Variants in RNF216 observed in about 807,000 individuals in gnomAD.
The protein encoded by RNF216 is ring finger protein 216.
RNF216 carries 72 observed loss-of-function variants against 110.8 expected under a neutral mutation model. The ratio of observed to expected loss-of-function variants is 0.65; its 90% CI spans 0.54 to 0.79. The LOEUF is 0.79. Ranked by LOEUF, RNF216 falls within the 30% of genes least tolerant of loss-of-function variation. The probability of loss-of-function intolerance (pLI) is 0.00; values close to 1 mark genes in which losing one functional copy is unlikely to be tolerated. For synonymous variants in RNF216, 495 were observed against 407.5 expected (o/e 1.21, Z -2.59); for missense variants, 1,342 against 1,141.2 (o/e 1.18, Z -2.54).
chr7:5,772,227 C>G (rs1168968066), intron 1 of RNF216, among the ~76,000 whole-genome samples: 1 of 152,154 alleles, frequency 6.6e-6, no homozygotes, highest in East Asian at 1.9e-4. Context: ...GAGTGAAACT[C>G]CGTCCCAATA....
chr7:5,651,570 C>T (rs962406989), intron 14 of RNF216, among the ~76,000 whole-genome samples: 2 of 152,086 alleles, frequency 1.3e-5, no homozygotes, highest in Non-Finnish European at 2.9e-5. Flanking sequence ...GATAGATATG[C>T]ACCCTCAGCT....
intron 13 of RNF216, among the ~76,000 whole-genome samples, chr7:5,656,948 T>C (rs556277383): frequency 2.0e-5 from 3 of 152,310 alleles, no homozygotes; most frequent in South Asian, 2.1e-4. Flanking sequence ...TTTGGGTCTG[T>C]TGGCAAAGAA....
chr7:5,741,218 G>T lies in RNF216; in HGVS notation c.799C>A (p.His267Asn). 2.5e-6 allele frequency: 4 copies of T among 1,614,156 alleles called. No individual in the cohort carries two copies. The highest frequency in any genetic ancestry group is 3.4e-6 in the Non-Finnish European group (4 of 1,180,020). ...GGAAAAGCGGGCCCTGGGAATTCAT[G>T]CTGAAACAACAAGCGGCCCAGTTCT... ...EAELGRLLFQ[H>N]EFPGPAFPRP... is the part of the protein sequence containing the mutation. Residue 267 changes from histidine to asparagine, a missense_variant, in exon 4 of 17, where the codon CAT becomes AAT. Coordinates refer to ENST00000389902, the MANE Select transcript of RNF216 (RefSeq NM_207111.4).
Position 5,716,708 on chromosome 7 carries a change from C to T in RNF216, c.1695+8G>A, listed in dbSNP as rs1415826863. 1 of 1,577,600 alleles carries T rather than the reference C, an allele frequency of 6.3e-7. No homozygotes were observed. The highest frequency in any genetic ancestry group is 8.6e-7 in the Non-Finnish European group (1 of 1,158,740). On this transcript the variant is annotated splice_region_variant and intron_variant, in intron 10 of 16. Transcript: ENST00000389902. Reference sequence around the variant, plus strand: ...GCCCAGAATAAACAAGGTGAGATTTCAAACTACCTTTTGATACTGTTCTTC... The same window carrying T: ...GCCCAGAATAAACAAGGTGAGATTTTAAACTACCTTTTGATACTGTTCTTC...
At chr7:5,743,700 A>G (rs1464933008) in intron 3 of RNF216, among the ~76,000 whole-genome samples, 1 of 152,226 alleles carries the variant, frequency 6.6e-6, no homozygotes, top group African/African-American at 2.4e-5. Flanking sequence ...AAGACCTGGA[A>G]GGATACATGC....
intron 13 of RNF216, among the ~76,000 whole-genome samples, chr7:5,701,507 A>G (rs898521357): frequency 4.6e-5 from 7 of 152,190 alleles, no homozygotes; most frequent in African/African-American, 1.7e-4. Context: ...ACTGCACTTG[A>G]CACTTTACCC....
At chr7:5,716,887 CA>C in intron 9 of RNF216, 121 bp from the exon 10 acceptor site, 1 of 706,306 alleles carries the variant, frequency 1.4e-6, no homozygotes, top group Non-Finnish European at 2.3e-6. Flanking sequence ...CACAGTTTAG[CA>C]GTTCAAAAAG....
At chr7:5,753,791 T>C (rs780600619) in intron 2 of RNF216, among the ~76,000 whole-genome samples, 2 of 152,034 alleles carry the variant, frequency 1.3e-5, no homozygotes, top group Non-Finnish European at 2.9e-5. Flanking sequence ...GGTCAGGAGT[T>C]TGAGACCAGC....
At chr7:5,657,879 C>G (rs1788844747) in intron 13 of RNF216, among the ~76,000 whole-genome samples, 2 of 152,172 alleles carry the variant, frequency 1.3e-5, no homozygotes, top group African/African-American at 2.4e-5. Context: ...AGTGAACTTT[C>G]TTTCCTTTTA....
At chr7:5,773,117 G>A (rs17186478) in intron 1 of RNF216, among the ~76,000 whole-genome samples, 6 of 151,926 alleles carry the variant, frequency 3.9e-5, no homozygotes, top group African/African-American at 9.7e-5. Flanking sequence ...ATATATCAGC[G>A]TAAGTTTGGG....
intron 13 of RNF216, among the ~76,000 whole-genome samples, chr7:5,678,953 G>A (rs1344759922): frequency 2.0e-5 from 3 of 152,214 alleles, no homozygotes; most frequent in African/African-American, 7.2e-5. Flanking sequence ...TGATCACACA[G>A]GGACTAGAAA....
At chr7:5,668,476 G>A (rs1789677975) in intron 13 of RNF216, among the ~76,000 whole-genome samples, 1 of 151,974 alleles carries the variant, frequency 6.6e-6, no homozygotes, top group Non-Finnish European at 1.5e-5. Flanking sequence ...GCCCGCCTCG[G>A]CCTCCCAAAG....
At chr7:5,708,543 G>C (rs1293649928) in intron 13 of RNF216, among the ~76,000 whole-genome samples, 2 of 152,260 alleles carry the variant, frequency 1.3e-5, no homozygotes, top group East Asian at 3.9e-4. Flanking sequence ...TTCACTTTCA[G>C]TACAGTACTC....
chr7:5,723,663 T>C (rs558649042), intron 8 of RNF216, among the ~76,000 whole-genome samples: 57 of 151,450 alleles, frequency 3.8e-4, no homozygotes, highest in Admixed American at 5.9e-4. Context: ...AAAAAATAAA[T>C]AAATAAATGC....
intron 13 of RNF216, among the ~76,000 whole-genome samples, chr7:5,688,200 T>C (rs1791107226): frequency 6.6e-6 from 1 of 152,248 alleles, no homozygotes; most frequent in Admixed American, 6.5e-5. Flanking sequence ...AAATGATTAG[T>C]CTTCTTTCGA....
At chr7:5,675,379 G>T (rs1165285382) in intron 13 of RNF216, among the ~76,000 whole-genome samples, 1 of 152,200 alleles carries the variant, frequency 6.6e-6, no homozygotes, top group Non-Finnish European at 1.5e-5. Flanking sequence ...GCTCATGCCT[G>T]TAAATCCCAG....
intron 13 of RNF216, among the ~76,000 whole-genome samples, chr7:5,674,369 T>C (rs950192994): frequency 6.6e-6 from 1 of 151,394 alleles, no homozygotes; most frequent in Admixed American, 6.6e-5. Context: ...ACATTGGCCA[T>C]GCTAGTCTCA....
chr7:5,691,627 A>T (rs951303710), intron 13 of RNF216, among the ~76,000 whole-genome samples: 1 of 152,206 alleles, frequency 6.6e-6, no homozygotes, highest in Non-Finnish European at 1.5e-5. Flanking sequence ...GGCAACATGT[A>T]TGGCAAAGCA....
At chr7:5,712,909 A>T (rs1405393387) in intron 11 of RNF216, 46 bp from the exon 12 acceptor site, 2 of 1,560,374 alleles carry the variant, frequency 1.3e-6, no homozygotes, top group Non-Finnish European at 1.7e-6. Flanking sequence ...AATACCATTT[A>T]TAGAAAAATA....
Sources: gnomAD v4.1 joint callset for allele counts (sites outside exome capture counted in the v4.1 genomes callset) on GRCh38, gnomAD v4.1.1 for gene constraint, MANE v1.5 for transcripts, NCBI Gene and HGNC (gene_info 2026-07-23, HGNC 2026-07-21) for gene names.